FER: variants seen among roughly 807,000 people sequenced by gnomAD.
The protein encoded by FER is tyrosine-protein kinase Fer.
FER carries 63 observed loss-of-function variants against 111.0 expected under a neutral mutation model. The ratio of observed to expected loss-of-function variants is 0.57; its 90% confidence interval spans 0.46 to 0.70. FER has a LOEUF of 0.70. FER is among the 30% of genes least tolerant of loss of function. FER has a pLI of 0.00. For missense variants in FER, 914 were observed against 954.0 expected, an observed-to-expected ratio of 0.96 and a Z score of 0.55; for synonymous variants, 327 against 313.9, an observed-to-expected ratio of 1.04 and a Z score of -0.44.
At chr5:108,958,947 A>C (rs571562326) in intron 12 of FER, among the ~76,000 whole-genome samples, 1 of 151,906 alleles carries the variant, frequency 6.6e-6, no homozygotes, top group South Asian at 2.1e-4. Context: ...TCTGTTTGTT[A>C]GATTTTTTAT....
At chr5:109,167,181 T>A (rs552220171) in intron 17 of FER, among the ~76,000 whole-genome samples, 6 of 152,310 alleles carry the variant, frequency 3.9e-5, no homozygotes, top group Non-Finnish European at 4.4e-5. Flanking sequence ...AAGATCTCAA[T>A]AAATGAATGG....
At chr5:108,810,581 TC>T (rs1379179643) in intron 3 of FER, among the ~76,000 whole-genome samples, 1 of 152,098 alleles carries the variant, frequency 6.6e-6, no homozygotes, top group African/African-American at 2.4e-5. Flanking sequence ...TTGGCCAAAC[TC>T]CTAATCCAGG....
chr5:108,905,462 G>A (rs1474903508), intron 10 of FER, among the ~76,000 whole-genome samples: 1 of 152,072 alleles, frequency 6.6e-6, no homozygotes, highest in Non-Finnish European at 1.5e-5. Context: ...GATAAAGTTA[G>A]GTAAGAATTA....
At chr5:109,014,309 A>T (rs1486679000) in intron 13 of FER, among the ~76,000 whole-genome samples, 1 of 152,198 alleles carries the variant, frequency 6.6e-6, no homozygotes, top group East Asian at 1.9e-4. Flanking sequence ...ATGGCTAGCC[A>T]GTTTTCCCAG....
At position 109,179,495 on chromosome 5, in the gene FER, G is replaced by A. The variant is rs537564905; in HGVS notation, c.2049-1252G>A. 2.6e-5 allele frequency among the ~76,000 whole-genome samples: 4 copies of A among 152,200 alleles called. No homozygotes were observed. The East Asian group carries it at 7.7e-4, about 29-fold the overall frequency. ...TTCTGTTACTCTAGTGAATAACATC[G>A]ATTACTTTTAAAATGTTAAACCAAC... On this transcript the variant is annotated intron_variant, in intron 17 of 19. Transcript: ENST00000281092.
In FER at chr5:109,082,635, A is replaced by AT. The variant is rs76751860; in HGVS notation, c.1925-17751dup. On this transcript the variant is annotated intron_variant, in intron 16 of 19. Coordinates refer to ENST00000281092, the MANE Select transcript of FER (RefSeq NM_005246.4). Reference sequence around the variant, plus strand: ...AGAGTTTTACCTCTTAGAGAAAGGGATTTTTTTTTTGTCCTGATTTTCATT... The same window carrying AT: ...AGAGTTTTACCTCTTAGAGAAAGGGATTTTTTTTTTTGTCCTGATTTTCATT... Among the ~76,000 whole-genome samples, 27 of 150,256 alleles carry AT rather than the reference A, an allele frequency of 1.8e-4. No individual in the cohort carries two copies. In the East Asian group the frequency reaches 2.9e-3, roughly 16 times the overall value.
chr5:109,034,226 A>G (rs72790564), intron 13 of FER, among the ~76,000 whole-genome samples: 28,185 of 152,036 alleles, frequency 0.19, 2,775 homozygotes, highest in Non-Finnish European at 0.22. Flanking sequence ...CTTAGACTGG[A>G]TAATTTCTGT....
intron 5 of FER, among the ~76,000 whole-genome samples, chr5:108,848,012 T>A (rs1286545477): frequency 6.6e-6 from 1 of 152,146 alleles, no homozygotes; most frequent in African/African-American, 2.4e-5. Flanking sequence ...CTCAGCCAAC[T>A]GTGTAGCTGG....
At chr5:109,141,829 A>G (rs965484277) in intron 17 of FER, among the ~76,000 whole-genome samples, 2 of 152,204 alleles carry the variant, frequency 1.3e-5, no homozygotes, top group African/African-American at 2.4e-5. Flanking sequence ...TTTGTAACCA[A>G]TAATATAACT....
intron 17 of FER, among the ~76,000 whole-genome samples, chr5:109,147,406 C>G (rs1439624972): frequency 1.3e-5 from 2 of 151,868 alleles, no homozygotes; most frequent in Non-Finnish European, 2.9e-5. Context: ...TTTGCCTTTA[C>G]TTTATCCCAG....
chr5:108,975,300 C>T (rs1490136318), intron 13 of FER, among the ~76,000 whole-genome samples: 9 of 151,884 alleles, frequency 5.9e-5, no homozygotes, highest in Non-Finnish European at 1.3e-4. Flanking sequence ...AGCTAATGCA[C>T]GCGGGGCTTA....
At chr5:108,893,697 G>A (rs1028458415) in intron 9 of FER, among the ~76,000 whole-genome samples, 2 of 151,854 alleles carry the variant, frequency 1.3e-5, no homozygotes. Context: ...GCTGAATGAC[G>A]AACAGCAACA....
chr5:109,016,020 T>C (rs898599183), intron 13 of FER, among the ~76,000 whole-genome samples: 5 of 151,948 alleles, frequency 3.3e-5, no homozygotes, highest in African/African-American at 4.8e-5. Context: ...TCACATTTAG[T>C]TTAAGGGTTA....
rs530449978 is a variant in FER at position 109,191,683 on chromosome 5, G to A, written c.*4108G>A. On this transcript the variant is annotated 3_prime_UTR_variant, in exon 20 of 20. Transcript: ENST00000281092. ...TGTGAAAGTTTACCATCAAAATAGC[G>A]TTACTTCTTTTATGACTAACTCTGA... 4.6e-5 allele frequency: 7 copies of A among 152,118 alleles called. No homozygotes were observed. In the East Asian group the frequency reaches 1.2e-3, roughly 25 times the overall value. 9.4% of individuals were successfully genotyped at this position (152,118 alleles called of 1,614,324 possible). A position where few individuals can be genotyped will look rare whatever the true frequency, so the allele number is the denominator to read the frequency against.
rs1757419034 is a variant in FER at position 109,173,920 on chromosome 5, C to CA, written c.2049-6821dup. The stretch of plus-strand genomic sequence containing the variant: ...TGTAGGGCATTGAACCAACCCTGAA[C>CA]AAAAAAGCACAAATTATGCTCTCAC... On this transcript the variant is annotated intron_variant, in intron 17 of 19. Coordinates refer to ENST00000281092, the MANE Select transcript of FER (RefSeq NM_005246.4). Among the ~76,000 whole-genome samples the CA allele has an allele frequency of 3.9e-5, 6 of 152,090 alleles. No individual in the cohort carries two copies. In the South Asian group the frequency reaches 1.2e-3, roughly 32 times the overall value.
intron 3 of FER, among the ~76,000 whole-genome samples, chr5:108,823,936 T>C (rs750864514): frequency 3.3e-5 from 5 of 152,132 alleles, no homozygotes; most frequent in Non-Finnish European, 5.9e-5. Flanking sequence ...TTTAGTTCTT[T>C]TTGAGTTGAT....
chr5:109,017,059 T>G (rs368012205), intron 13 of FER, among the ~76,000 whole-genome samples: 3 of 152,052 alleles, frequency 2.0e-5, no homozygotes, highest in East Asian at 3.9e-4. Flanking sequence ...TACTTTGTTA[T>G]GGCAGCCTAA....
At chr5:109,128,066 T>G (rs1751943227) in intron 17 of FER, among the ~76,000 whole-genome samples, 1 of 152,178 alleles carries the variant, frequency 6.6e-6, no homozygotes, top group African/African-American at 2.4e-5. Context: ...GATTTAGCGT[T>G]TAAATTGAGA....
At chr5:108,918,383 A>G (rs935689343) in intron 10 of FER, among the ~76,000 whole-genome samples, 1 of 152,224 alleles carries the variant, frequency 6.6e-6, no homozygotes, top group Non-Finnish European at 1.5e-5. Flanking sequence ...CATGACATCA[A>G]AATCATTCTA....
Sources: allele counts gnomAD v4.1 joint callset (sites outside exome capture counted in the v4.1 genomes callset), GRCh38; gene constraint gnomAD v4.1.1; transcripts MANE v1.5; gene names NCBI Gene and HGNC (gene_info 2026-07-23, HGNC 2026-07-21).